Variants in SPIRE2 observed in about 807,000 individuals in gnomAD.
The protein encoded by SPIRE2 is protein spire homolog 2.
SPIRE2 carries 76 observed loss-of-function variants against 80.7 expected under a neutral mutation model. That is an observed-to-expected ratio of 0.94 (90% CI 0.78 to 1.14). SPIRE2 has a LOEUF of 1.14. SPIRE2 is among the 50% of genes most tolerant of loss of function. The pLI is 0.00. For synonymous variants in SPIRE2, 535 were observed against 432.6 expected (o/e 1.24, Z -2.94); for missense variants, 1,196 against 1,015.3 (o/e 1.18, Z -2.42).
chr16:89,867,616 G>A (rs113685598), intron 12 of SPIRE2, among the ~76,000 whole-genome samples: 6 of 140,672 alleles, frequency 4.3e-5, no homozygotes, highest in East Asian at 4.1e-4. Context: ...ACAGAGTTTC[G>A]CTCAGTCCCC....
At chr16:89,837,356 A>T (rs1194839188) in intron 1 of SPIRE2, among the ~76,000 whole-genome samples, 1 of 152,188 alleles carries the variant, frequency 6.6e-6, no homozygotes, top group East Asian at 1.9e-4. Flanking sequence ...GCCCAGGGTC[A>T]GACTCAGCTG....
At chr16:89,832,802 A>G (rs2041399140) in intron 1 of SPIRE2, among the ~76,000 whole-genome samples, 1 of 151,896 alleles carries the variant, frequency 6.6e-6, no homozygotes, top group Non-Finnish European at 1.5e-5. Context: ...TGCTCCTCTG[A>G]TGAAGGGCCC....
In SPIRE2 at chr16:89,869,994, G is replaced by C. The variant is rs1314652345; in HGVS notation, c.1923-56G>C. On this transcript the variant is annotated intron_variant, in intron 14 of 14. Transcript: ENST00000378247. ...GGCTGTGGCATGCACAAGCAGGGAGGGGGGTGTGGCACCCTGGCTGGCTCC... is the reference window on the plus strand; with the variant it reads ...GGCTGTGGCATGCACAAGCAGGGAGCGGGGTGTGGCACCCTGGCTGGCTCC... 5 of 1,475,956 alleles carry C rather than the reference G, an allele frequency of 3.4e-6. No homozygotes were observed. In the South Asian group the frequency reaches 3.6e-5, roughly 11 times the overall value. 91.4% of individuals were successfully genotyped at this position (1,475,956 alleles called of 1,614,324 possible). A position where few individuals can be genotyped will look rare whatever the true frequency, so the allele number is the denominator to read the frequency against.
Position 89,860,714 on chromosome 16 carries a change from C to G in SPIRE2, c.1494C>G (p.Ser498Arg). The G allele has an allele frequency of 6.3e-7, 1 of 1,591,680 alleles. No homozygotes were observed. The highest frequency in any genetic ancestry group is 8.5e-7 in the Non-Finnish European group (1 of 1,169,674). The change falls in exon 10 of 15, where the codon AGC becomes AGG. Residue 498 changes from serine (S) to arginine (R), a missense_variant. Transcript: ENST00000378247. The part of the protein sequence containing the change: ...GTCPASVSDP[S>R]HPLLSNRGSS... ...GTCCCGCGAGTGTCTCTGACCCCAG[C>G]CACCCCCTACTCAGCAACCGGGGCT... is the stretch of plus-strand genomic sequence containing the variant.
At chr16:89,869,471 G>A (rs2041819831) in intron 13 of SPIRE2, 96 bp from the exon 14 acceptor site, 9 of 783,664 alleles carry the variant, frequency 1.1e-5, no homozygotes, top group Middle Eastern at 2.3e-4. Context: ...TGGCTGCCAC[G>A]CAGGTCCCAG....
intron 9 of SPIRE2, 138 bp from the exon 10 acceptor site, chr16:89,860,545 A>AC: frequency 4.9e-6 from 3 of 613,776 alleles, no homozygotes; most frequent in Non-Finnish European, 8.6e-6. Flanking sequence ...CCGTGTAGCT[A>AC]CTGCCCGGCC....
intron 13 of SPIRE2, among the ~76,000 whole-genome samples, chr16:89,869,154 C>G (rs959965935): frequency 6.8e-6 from 1 of 146,076 alleles, no homozygotes; most frequent in African/African-American, 2.5e-5. Flanking sequence ...AAATCTTACT[C>G]TACATCCTGC....
intron 6 of SPIRE2, 182 bp from the exon 7 acceptor site, chr16:89,855,931 C>T (rs1044168199): frequency 1.4e-5 from 16 of 1,170,952 alleles, no homozygotes; most frequent in African/African-American, 3.1e-5. Flanking sequence ...CAGGTGCATG[C>T]GGAGCCCAGA....
At chr16:89,850,095 CAAA>C in intron 2 of SPIRE2, 1 of 691,212 alleles carries the variant, frequency 1.4e-6, no homozygotes. Flanking sequence ...CTCGGCCTCC[CAAA>C]GTGCTGGGAT....
intron 1 of SPIRE2, among the ~76,000 whole-genome samples, chr16:89,844,136 C>G (rs1197021844): frequency 2.6e-5 from 4 of 151,520 alleles, no homozygotes; most frequent in African/African-American, 9.7e-5. Context: ...CACCTGCCAC[C>G]ACGCCTGGCT....
chr16:89,844,442 A>ATT (rs879786015), intron 1 of SPIRE2, among the ~76,000 whole-genome samples: 1 of 137,526 alleles, frequency 7.3e-6, no homozygotes, highest in Non-Finnish European at 1.6e-5. Context: ...TCCCAAAGTA[A>ATT]TTTTTTTTTT....
Position 89,859,259 on chromosome 16 carries a change from G to C in SPIRE2, c.1367G>C (p.Gly456Ala). 1.2e-6 allele frequency: 2 copies of C among 1,607,804 alleles called. No individual in the cohort carries two copies. The highest frequency in any genetic ancestry group is 1.7e-6 in the Non-Finnish European group (2 of 1,178,628). ...LAQLRSEVAS[G>A]LQSATHPPGG... ...CAGCTCCGAAGTGAGGTGGCCTCTG[G>C]CCTGCAGTCGGCCACCCACCCCCCA... Residue 456 changes from glycine (G) to alanine (A), a missense_variant, in exon 9 of 15, where the codon GGC (glycine) becomes GCC (alanine). Gly to Ala is a moderately conservative substitution (Grantham distance 60). Transcript: ENST00000378247.
At chr16:89,838,960 C>G (rs2041477253) in intron 1 of SPIRE2, among the ~76,000 whole-genome samples, 1 of 145,496 alleles carries the variant, frequency 6.9e-6, no homozygotes, top group Non-Finnish European at 1.5e-5. Context: ...GAACCTTTTA[C>G]CTCAGGTGAT....
At chr16:89,838,164 ATTT>A (rs34507409) in intron 1 of SPIRE2, among the ~76,000 whole-genome samples, 1,167 of 87,530 alleles carry the variant, frequency 0.013, 9 homozygotes, top group African/African-American at 0.053. Flanking sequence ...CACGCTCAGC[ATTT>A]TTTTTTTTTT....
rs1022602808 is a variant in SPIRE2, at chr16:89,828,652, G to T, written c.102G>T (p.Pro34=). The stretch of plus-strand genomic sequence containing the variant: ...AGGTGCTGAAGGCCTACGAGCAGCC[G>T]CTCAACGAGGAGCAGGCGTGGGCCG... ...LEEVLKAYEQ[P]LNEEQAWAVC... The change falls in exon 1 of 15, where the codon CCG becomes CCT. Residue 34 remains proline (P), a synonymous_variant. Transcript: ENST00000378247. This position sits in a 1 kb window ranked among gnomAD's most constrained non-coding sequence, Gnocchi z 5.9. The T allele has an allele frequency of 2.2e-6, 3 of 1,368,024 alleles. No homozygotes were observed. The highest frequency in any genetic ancestry group is 3.0e-5 in the African/African-American group (2 of 66,864). 84.7% of individuals were successfully genotyped at this position (1,368,024 alleles called of 1,614,324 possible).
chr16:89,868,479 T>C (rs1413035765), intron 13 of SPIRE2, among the ~76,000 whole-genome samples: 3 of 152,344 alleles, frequency 2.0e-5, no homozygotes, highest in Non-Finnish European at 4.4e-5. Context: ...TTACATTCTA[T>C]AACTTTTTGG....
intron 1 of SPIRE2, among the ~76,000 whole-genome samples, chr16:89,837,474 G>C (rs924619041): frequency 4.6e-5 from 7 of 152,214 alleles, no homozygotes; most frequent in African/African-American, 1.7e-4. Flanking sequence ...AGCCAGGAGA[G>C]AGGGCACCTT....
At chr16:89,830,607 G>A (rs2041369935) in intron 1 of SPIRE2, among the ~76,000 whole-genome samples, 1 of 150,940 alleles carries the variant, frequency 6.6e-6, no homozygotes, top group South Asian at 2.1e-4. Flanking sequence ...ATATCAATAG[G>A]AAAACATCCA....
Position 89,863,291 on chromosome 16 carries a change from A to G in SPIRE2, c.1576-185A>G, listed in dbSNP as rs1597223857. The stretch of plus-strand genomic sequence containing the variant: ...GCTGGTCATGGGAGGCCTGGCCTGC[A>G]GCAGCAGGGCCCATCAAAGACATGG... On this transcript the variant is annotated intron_variant, in intron 10 of 14. Transcript: ENST00000378247. The surrounding 1 kb of genome is among the most constrained non-coding windows in gnomAD (Gnocchi z 4.3). 4 of 668,196 alleles carry G rather than the reference A, an allele frequency of 6.0e-6. No individual in the cohort carries two copies. Among genetic ancestry groups the G allele is most frequent in the Middle Eastern group, 4.1e-4 (1 of 2,468 alleles). The allele number at this position is 668,196 out of a possible 1,614,324, so 41.4% of individuals were successfully genotyped here. A position where few individuals can be genotyped will look rare whatever the true frequency, so the allele number is the denominator to read the frequency against.
Sources: allele counts gnomAD v4.1 joint callset (sites outside exome capture counted in the v4.1 genomes callset), GRCh38; gene constraint gnomAD v4.1.1; non-coding constraint Gnocchi (gnomAD v3.1); transcripts MANE v1.5; gene names NCBI Gene and HGNC (gene_info 2026-07-23, HGNC 2026-07-21).